Variants in LAMA2 observed in about 807,000 individuals in gnomAD.
LAMA2 encodes laminin subunit alpha 2, also known as laminin subunit alpha-2.
Under a neutral mutation model 364.8 loss-of-function variants are expected in LAMA2, and 269 were observed. The observed-to-expected ratio is 0.74, with a 90% CI of 0.67 to 0.82. LAMA2 has a LOEUF of 0.82. LAMA2 is among the 40% of genes least tolerant of loss of function. LAMA2 has a pLI of 0.00. For synonymous variants in LAMA2, 1,379 were observed against 1,370.6 expected (o/e 1.01, Z -0.14); for missense variants, 3,807 against 3,873.2 (o/e 0.98, Z 0.45).
At chr6:129,075,984 G>A (rs1245752740) in intron 3 of LAMA2, among the ~76,000 whole-genome samples, 1 of 152,048 alleles carries the variant, frequency 6.6e-6, no homozygotes, top group African/African-American at 2.4e-5. Flanking sequence ...TACTCAGGAG[G>A]TTGAGGCAGG....
intron 1 of LAMA2, among the ~76,000 whole-genome samples, chr6:128,962,957 A>G (rs373583396): frequency 6.6e-6 from 1 of 152,206 alleles, no homozygotes. Flanking sequence ...CTCCTTCTGA[A>G]TAAAACAAAC....
At chr6:128,962,828 C>A (rs1781616419) in intron 1 of LAMA2, among the ~76,000 whole-genome samples, 1 of 152,102 alleles carries the variant, frequency 6.6e-6, no homozygotes, top group Non-Finnish European at 1.5e-5. Context: ...AAAAATTACT[C>A]CAAGTTTACT....
At chr6:128,973,632 T>C (rs1006844654) in intron 1 of LAMA2, among the ~76,000 whole-genome samples, 1 of 152,202 alleles carries the variant, frequency 6.6e-6, no homozygotes, top group African/African-American at 2.4e-5. Flanking sequence ...TAGGCAGTGT[T>C]AATTATGAGA....
chr6:129,389,845 T>A (rs1320814724), intron 35 of LAMA2, among the ~76,000 whole-genome samples: 1 of 152,176 alleles, frequency 6.6e-6, no homozygotes, highest in Non-Finnish European at 1.5e-5. Flanking sequence ...CATGATTCAG[T>A]CACCACCCAC....
chr6:128,892,611 C>T (rs1023711888), intron 1 of LAMA2, among the ~76,000 whole-genome samples: 5 of 151,548 alleles, frequency 3.3e-5, no homozygotes, highest in African/African-American at 9.7e-5. Context: ...GACAATGTGG[C>T]GTGTTTGACA....
intron 1 of LAMA2, among the ~76,000 whole-genome samples, chr6:128,962,205 T>C (rs1448578588): frequency 4.2e-5 from 5 of 120,180 alleles, no homozygotes; most frequent in South Asian, 3.1e-4. Context: ...CACACACACA[T>C]ACACATATTT....
intron 20 of LAMA2, among the ~76,000 whole-genome samples, chr6:129,296,238 T>C (rs756688567): frequency 2.6e-5 from 4 of 152,062 alleles, no homozygotes; most frequent in Non-Finnish European, 5.9e-5. Context: ...TGCTTTTGCT[T>C]TAATAATATT....
chr6:129,426,029 T>C (rs990081407), intron 40 of LAMA2, among the ~76,000 whole-genome samples: 4 of 152,180 alleles, frequency 2.6e-5, no homozygotes, highest in Non-Finnish European at 5.9e-5. Flanking sequence ...TCTAGTTTCA[T>C]CTAGTACTAT....
intron 28 of LAMA2, among the ~76,000 whole-genome samples, chr6:129,326,170 A>G (rs113728531): frequency 1.8e-4 from 28 of 152,322 alleles, no homozygotes; most frequent in African/African-American, 4.6e-4. Flanking sequence ...ATGCACACAT[A>G]CACAACAGAG....
At chr6:129,397,852 G>GT (rs1779742980) in intron 37 of LAMA2, among the ~76,000 whole-genome samples, 1 of 151,022 alleles carries the variant, frequency 6.6e-6, no homozygotes, top group Admixed American at 6.6e-5. Context: ...CAGGAGAATG[G>GT]TGTGAACCTG....
chr6:129,357,191 C>G (rs1364815261), intron 32 of LAMA2, among the ~76,000 whole-genome samples: 1 of 152,020 alleles, frequency 6.6e-6, no homozygotes, highest in Non-Finnish European at 1.5e-5. Flanking sequence ...ATTTGCTTAA[C>G]AGTAAAGTTT....
chr6:129,036,679 C>A (rs908419159), intron 1 of LAMA2, among the ~76,000 whole-genome samples: 31 of 151,088 alleles, frequency 2.1e-4, no homozygotes, highest in African/African-American at 6.8e-4. Flanking sequence ...AGCTCAGAAG[C>A]CTCCAAAAAT....
At chr6:129,062,422 C>G (rs1306526157) in intron 3 of LAMA2, among the ~76,000 whole-genome samples, 1 of 152,016 alleles carries the variant, frequency 6.6e-6, no homozygotes, top group African/African-American at 2.4e-5. Context: ...CTAGGGAGCT[C>G]AGGATAATTT....
intron 1 of LAMA2, among the ~76,000 whole-genome samples, chr6:128,998,073 G>A (rs921440633): frequency 1.3e-5 from 2 of 152,076 alleles, no homozygotes; most frequent in Non-Finnish European, 2.9e-5. Flanking sequence ...CCAGGTCAAG[G>A]AAAGGGCCAT....
At chr6:128,984,382 C>T (rs1261437050) in intron 1 of LAMA2, among the ~76,000 whole-genome samples, 2 of 152,154 alleles carry the variant, frequency 1.3e-5, no homozygotes, top group Non-Finnish European at 1.5e-5. Context: ...TGCAAACTTA[C>T]CTCTCTTCTT....
intron 1 of LAMA2, among the ~76,000 whole-genome samples, chr6:128,942,556 G>A (rs564469524): frequency 1.3e-5 from 2 of 152,188 alleles, no homozygotes; most frequent in East Asian, 3.9e-4. Context: ...TTGTATGTGG[G>A]TCTGAACACT....
At chr6:129,140,174 T>C (rs1025290502) in intron 4 of LAMA2, among the ~76,000 whole-genome samples, 5 of 152,132 alleles carry the variant, frequency 3.3e-5, no homozygotes, top group African/African-American at 1.2e-4. Context: ...ACAAATCATT[T>C]TTTAAAATGT....
rs1258785235 is a variant in LAMA2, at chr6:128,889,936, T to C, written c.112+6579T>C. On this transcript the variant is annotated intron_variant, in intron 1 of 64. Coordinates refer to ENST00000421865, the MANE Select transcript of LAMA2 (RefSeq NM_000426.4). Reference sequence around the variant, plus strand: ...CATTGAGGATTGCCTATTAATGGGTTATTATTCATAATATCGGCCTCTGTG... The same window carrying C: ...CATTGAGGATTGCCTATTAATGGGTCATTATTCATAATATCGGCCTCTGTG... 3.9e-5 allele frequency among the ~76,000 whole-genome samples: 6 copies of C among 152,210 alleles called. No individual in the cohort carries two copies. In the East Asian group the frequency reaches 1.2e-3, roughly 29 times the overall value.
At chr6:129,265,505 CT>C (rs552819271) in intron 15 of LAMA2, among the ~76,000 whole-genome samples, 1 of 152,168 alleles carries the variant, frequency 6.6e-6, no homozygotes, top group South Asian at 2.1e-4. Flanking sequence ...GCTTCACCAG[CT>C]TTTAAAAATG....
Sources: allele counts gnomAD v4.1 joint callset (sites outside exome capture counted in the v4.1 genomes callset), GRCh38; gene constraint gnomAD v4.1.1; transcripts MANE v1.5; gene names NCBI Gene and HGNC (gene_info 2026-07-23, HGNC 2026-07-21).